The following LRMDA variants were observed in gnomAD, a reference collection of about 807,000 sequenced individuals.
LRMDA encodes leucine-rich melanocyte differentiation-associated protein.
Under a neutral mutation model 29.8 loss-of-function variants are expected in LRMDA, and 18 were observed. That is an observed-to-expected ratio of 0.60 (90% CI 0.42 to 0.90). The LOEUF (loss-of-function observed/expected upper bound fraction) is 0.90, where lower values mean the gene tolerates loss of function less well. LRMDA is among the 40% of genes least tolerant of loss of function. The pLI, the probability that LRMDA is intolerant of heterozygous loss-of-function variation, is 0.00. For synonymous variants in LRMDA, 125 were observed against 109.4 expected, an observed-to-expected ratio of 1.14 and a Z score of -0.89; for missense variants, 273 against 273.9, an observed-to-expected ratio of 1.00 and a Z score of 0.02.
chr10:75,509,256 CG>C (rs1359230195), intron 2 of LRMDA, among the ~76,000 whole-genome samples: 3 of 151,812 alleles, frequency 2.0e-5, no homozygotes, highest in Admixed American at 6.6e-5. Flanking sequence ...CTAGAGAGGT[CG>C]AATGGGCTGT....
chr10:75,959,580 C>A (rs535188366), intron 2 of LRMDA, among the ~76,000 whole-genome samples: 1 of 152,260 alleles, frequency 6.6e-6, no homozygotes, highest in Non-Finnish European at 1.5e-5. Context: ...TGCTGCCACC[C>A]TTTGAATTCC....
At chr10:76,226,750 C>T (rs907527331) in intron 5 of LRMDA, among the ~76,000 whole-genome samples, 3 of 152,108 alleles carry the variant, frequency 2.0e-5, no homozygotes, top group Non-Finnish European at 2.9e-5. Flanking sequence ...AGAGCCAAAC[C>T]ATATCAGGTC....
intron 6 of LRMDA, among the ~76,000 whole-genome samples, chr10:76,347,188 C>T (rs938466100): frequency 6.6e-6 from 1 of 152,170 alleles, no homozygotes; most frequent in African/African-American, 2.4e-5. Flanking sequence ...CCGTTATTCC[C>T]TATATACTGA....
chr10:75,720,756 C>T (rs2132187248), intron 2 of LRMDA, among the ~76,000 whole-genome samples: 1 of 152,310 alleles, frequency 6.6e-6, no homozygotes, highest in African/African-American at 2.4e-5. Flanking sequence ...AGTTGGCTCT[C>T]AAGATGAAAT....
intron 6 of LRMDA, among the ~76,000 whole-genome samples, chr10:76,425,513 G>A (rs946236373): frequency 1.3e-5 from 2 of 151,664 alleles, no homozygotes. Flanking sequence ...AGGATTATAA[G>A]GAAGAAAGGT....
chr10:76,198,446 C>T (rs1851370927), intron 5 of LRMDA, among the ~76,000 whole-genome samples: 2 of 152,202 alleles, frequency 1.3e-5, no homozygotes, highest in South Asian at 4.1e-4. Flanking sequence ...GTGCAAGCCT[C>T]TTATGCTGGG....
At chr10:76,420,458 C>T (rs1037276203) in intron 6 of LRMDA, among the ~76,000 whole-genome samples, 1 of 151,786 alleles carries the variant, frequency 6.6e-6, no homozygotes, top group Non-Finnish European at 1.5e-5. Context: ...TACCCCCATC[C>T]CAGAAATTAT....
intron 5 of LRMDA, among the ~76,000 whole-genome samples, chr10:76,177,625 T>A (rs891064625): frequency 3.0e-4 from 46 of 152,132 alleles, no homozygotes; most frequent in African/African-American, 1.1e-3. Flanking sequence ...TCTAAGTAGA[T>A]AAAAAAAATC....
intron 2 of LRMDA, among the ~76,000 whole-genome samples, chr10:75,826,004 G>A (rs1049245466): frequency 2.0e-5 from 3 of 152,160 alleles, no homozygotes; most frequent in Non-Finnish European, 4.4e-5. Flanking sequence ...TCTGTAAAAT[G>A]GAGCTTATTT....
intron 5 of LRMDA, among the ~76,000 whole-genome samples, chr10:76,216,750 G>A (rs571211305): frequency 1.3e-5 from 2 of 152,234 alleles, no homozygotes; most frequent in African/African-American, 4.8e-5. Flanking sequence ...TTTTAAAGTT[G>A]AACATTAATG....
intron 2 of LRMDA, among the ~76,000 whole-genome samples, chr10:75,546,284 C>T (rs1435606720): frequency 1.3e-5 from 2 of 152,106 alleles, no homozygotes; most frequent in Non-Finnish European, 2.9e-5. Context: ...GGGGATGTAA[C>T]CATAGAACAG....
intron 2 of LRMDA, among the ~76,000 whole-genome samples, chr10:75,945,768 A>C (rs930694633): frequency 1.3e-5 from 2 of 152,120 alleles, no homozygotes; most frequent in Non-Finnish European, 2.9e-5. Flanking sequence ...TGATATTTAA[A>C]ACACCTTGTG....
At chr10:76,122,348 C>G (rs184921082) in intron 5 of LRMDA, among the ~76,000 whole-genome samples, 1 of 151,934 alleles carries the variant, frequency 6.6e-6, no homozygotes, top group African/African-American at 2.4e-5. Context: ...TTAAACCCAT[C>G]GGCACCTTCA....
chr10:75,810,267 G>C (rs1843934937), intron 2 of LRMDA, among the ~76,000 whole-genome samples: 1 of 152,184 alleles, frequency 6.6e-6, no homozygotes, highest in African/African-American at 2.4e-5. Context: ...TGAGCAGGGA[G>C]CTAAAGACAC....
intron 2 of LRMDA, among the ~76,000 whole-genome samples, chr10:76,013,490 A>G (rs944703306): frequency 6.6e-6 from 1 of 152,110 alleles, no homozygotes; most frequent in Non-Finnish European, 1.5e-5. Flanking sequence ...CCACACACAG[A>G]AGAGCGCTCT....
chr10:75,509,718 G>A (rs1845206767), intron 2 of LRMDA, among the ~76,000 whole-genome samples: 1 of 152,042 alleles, frequency 6.6e-6, no homozygotes, highest in Non-Finnish European at 1.5e-5. Context: ...TTTTTCTTTT[G>A]GTCAGGAGAC....
intron 2 of LRMDA, among the ~76,000 whole-genome samples, chr10:75,560,551 T>C (rs76015168): frequency 0.61 from 91,910 of 150,094 alleles, 31,078 homozygotes; most frequent in East Asian, 0.85. Flanking sequence ...ATTGCCCTGG[T>C]CAGAACTTCC....
chr10:75,776,310 A>G (rs1443256954), intron 2 of LRMDA, among the ~76,000 whole-genome samples: 1 of 152,186 alleles, frequency 6.6e-6, no homozygotes, highest in African/African-American at 2.4e-5. Flanking sequence ...GTAGTTCGCA[A>G]GGTTCTAGAA....
chr10:76,065,822 C>T (rs1488329834), intron 5 of LRMDA, among the ~76,000 whole-genome samples: 1 of 152,264 alleles, frequency 6.6e-6, no homozygotes, highest in African/African-American at 2.4e-5. Flanking sequence ...AACTCCTTGA[C>T]CAATGGGATG....
Sources: gnomAD v4.1 joint callset for allele counts (sites outside exome capture counted in the v4.1 genomes callset) on GRCh38, gnomAD v4.1.1 for gene constraint, MANE v1.5 for transcripts, NCBI Gene and HGNC (gene_info 2026-07-23, HGNC 2026-07-21) for gene names.